Variants in POLI observed in about 807,000 individuals in gnomAD.
POLI encodes DNA polymerase iota.
A neutral mutation model predicts 51.6 loss-of-function variants in POLI; 58 were observed. The observed-to-expected ratio is 1.12, with a 90% CI of 0.91 to 1.40. The LOEUF is 1.40. POLI is among the 40% of genes most tolerant of loss of function. POLI has a pLI of 0.00. For synonymous variants in POLI, 322 were observed against 299.7 expected, an observed-to-expected ratio of 1.07 and a Z score of -0.77; for missense variants, 921 against 871.3, an observed-to-expected ratio of 1.06 and a Z score of -0.72.
chr18:54,293,953 C>T lies in POLI; in HGVS notation c.1709C>T (p.Ser570Phe). 1.9e-6 allele frequency: 3 copies of T among 1,612,528 alleles called. No individual in the cohort carries two copies. The highest frequency in any genetic ancestry group is 2.5e-6 in the Non-Finnish European group (3 of 1,178,884). Residue 570 changes from serine to phenylalanine, a missense_variant, in exon 10 of 10, where the codon TCT (serine) becomes TTT (phenylalanine). By Grantham distance (155) the Ser-to-Phe change is radical. Coordinates refer to ENST00000579534, the MANE Select transcript of POLI (RefSeq NM_007195.3). ...CPLHASRGVL[S>F]FFSKKQMQDI... is the part of the protein sequence containing the mutation. ...TTACATGCCTCTAGAGGAGTATTAT[C>T]TTTCTTTTCTAAAAAACAAATGCAA...
At chr18:54,308,464 T>G (rs1163447423) in intron 3 of POLI, among the ~76,000 whole-genome samples, 1 of 152,272 alleles carries the variant, frequency 6.6e-6, no homozygotes, top group Admixed American at 6.5e-5. Flanking sequence ...GTTAGTCTGA[T>G]GGGCTTCCCT....
chr18:54,296,831 C>T lies in POLI; in HGVS notation c.*2364C>T, dbSNP rs185805956. The T allele has an allele frequency of 3.3e-5, 20 of 610,898 alleles. No homozygotes were observed. Among genetic ancestry groups the T allele is most frequent in the Middle Eastern group, 9.0e-4 (1 of 1,108 alleles). The allele number at this position is 610,898 out of a possible 1,614,324, so 37.8% of individuals were successfully genotyped here. A position where few individuals can be genotyped will look rare whatever the true frequency, so the allele number is the denominator to read the frequency against. ...AACTTCCCGTTTACTCATTACAGTCCCTTGTAAGTCTGTTTCTAATTTTTA... is the reference window on the plus strand; with the variant it reads ...AACTTCCCGTTTACTCATTACAGTCTCTTGTAAGTCTGTTTCTAATTTTTA... On this transcript the variant is annotated 3_prime_UTR_variant, in exon 10 of 10. Coordinates refer to ENST00000579534, the MANE Select transcript of POLI (RefSeq NM_007195.3).
intron 4 of POLI, 81 bp downstream of exon 4, chr18:54,277,936 C>T: frequency 9.5e-7 from 1 of 1,057,410 alleles, no homozygotes; most frequent in Non-Finnish European, 1.4e-6. Flanking sequence ...CTGTGTGATT[C>T]TGAAAGATTC....
intron 8 of POLI, among the ~76,000 whole-genome samples, chr18:54,289,480 T>C (rs2087896570): frequency 6.6e-6 from 1 of 152,076 alleles, no homozygotes; most frequent in Admixed American, 6.6e-5. Flanking sequence ...AAAAATACTT[T>C]AAATTGCATA....
intron 3 of POLI, among the ~76,000 whole-genome samples, chr18:54,306,534 T>TC (rs1001158784): frequency 7.1e-6 from 1 of 140,182 alleles, no homozygotes; most frequent in Non-Finnish European, 1.6e-5. Context: ...TCTAAAATTC[T>TC]CTTTTTTGTG....
At chr18:54,289,053 T>C (rs1568137013) in intron 8 of POLI, among the ~76,000 whole-genome samples, 2 of 152,154 alleles carry the variant, frequency 1.3e-5, no homozygotes, top group Non-Finnish European at 2.9e-5. Flanking sequence ...AGATAATGTA[T>C]TGTAGCAACT....
In POLI at chr18:54,296,872, A is replaced by G. The variant is rs775892231; in HGVS notation, c.*2405A>G. 269 of 850,312 alleles carry G rather than the reference A, an allele frequency of 3.2e-4. No homozygotes were observed. Among genetic ancestry groups the G allele is most frequent in the Non-Finnish European group, 3.7e-4 (259 of 708,028 alleles). 52.7% of individuals were successfully genotyped at this position (850,312 alleles called of 1,614,324 possible). ...CTAATTTTTAAAAGTCAAATATATG[A>G]TATTTTTGATAATTTCAATATTTTA... is the stretch of plus-strand genomic sequence containing the variant. On this transcript the variant is annotated 3_prime_UTR_variant, in exon 10 of 10. Coordinates refer to ENST00000579534, the MANE Select transcript of POLI (RefSeq NM_007195.3).
downstream of POLI, among the ~76,000 whole-genome samples, chr18:54,301,677 T>G (rs975720537): frequency 1.3e-5 from 2 of 152,190 alleles, no homozygotes; most frequent in African/African-American, 4.8e-5. Flanking sequence ...ACTCTAGCTG[T>G]TCGTGCCTCC....
Position 54,269,563 on chromosome 18 carries a change from T to C in POLI, c.17T>C (p.Val6Ala). The C allele has an allele frequency of 6.7e-7, 1 of 1,489,372 alleles. No homozygotes were observed. The allele number at this position is 1,489,372 out of a possible 1,614,324, so 92.3% of individuals were successfully genotyped here. The change falls in exon 1 of 10, where the codon GTG becomes GCG. Residue 6 changes from valine to alanine, a missense_variant. By Grantham distance (64) the Val-to-Ala change is moderately conservative. Coordinates refer to ENST00000579534, the MANE Select transcript of POLI (RefSeq NM_007195.3). MEKLG[V>A]EPEEEGGGDD... ...AGCGGCGGGATGGAGAAGCTGGGGG[T>C]GGAGCCGGAGGAGGAAGGCGGCGGC...
At position 54,294,213 on chromosome 18, in the gene POLI, C is replaced by T; in HGVS notation, c.1969C>T (p.His657Tyr). ...TTCAAACCCTGCTGTGTCTGCTTTT[C>T]ATTCATTTCCAAACTTGCAGAGTGA... ...TNSNPAVSAF[H>Y]SFPNLQSEQL... Residue 657 changes from histidine to tyrosine, a missense_variant, in exon 10 of 10, where the codon CAT becomes TAT. Coordinates refer to ENST00000579534, the MANE Select transcript of POLI (RefSeq NM_007195.3). 3 of 1,613,604 alleles carry T rather than the reference C, an allele frequency of 1.9e-6. No homozygotes were observed. The South Asian group carries it at 3.3e-5, about 18-fold the overall frequency.
Position 54,297,458 on chromosome 18 carries a change from C to T in POLI, c.*2991C>T. The T allele has an allele frequency of 1.0e-6, 1 of 981,014 alleles. No individual in the cohort carries two copies. The highest frequency in any genetic ancestry group is 1.2e-6 in the Non-Finnish European group (1 of 826,048). 60.8% of individuals were successfully genotyped at this position (981,014 alleles called of 1,614,324 possible). A position where few individuals can be genotyped will look rare whatever the true frequency, so the allele number is the denominator to read the frequency against. On this transcript the variant is annotated 3_prime_UTR_variant, in exon 10 of 10. Coordinates refer to ENST00000579534, the MANE Select transcript of POLI (RefSeq NM_007195.3). ...AGCAATGAATTAAGAGGTCTCTTTT[C>T]TCCAAGATCTAGTGTTTTGTACTAG...
In POLI at chr18:54,291,857, T is replaced by A. The variant is rs2088029123; in HGVS notation, c.1223T>A (p.Met408Lys). ...GTGNYDVMTP[M>K]VDILMKLFRN... ...GGAAATTATGATGTGATGACCCCAA[T>A]GGTTGATATACTTATGAAACTTTTT... The change falls in exon 9 of 10, where the codon ATG (methionine) becomes AAG (lysine). Residue 408 changes from methionine (M) to lysine (K), a missense_variant. Transcript: ENST00000579534. The A allele has an allele frequency of 6.3e-7, 1 of 1,578,780 alleles. No individual in the cohort carries two copies. The highest frequency in any genetic ancestry group is 8.7e-7 in the Non-Finnish European group (1 of 1,149,490).
rs540442273 is a variant in POLI, at chr18:54,311,943, A to T, written c.334-8330A>T. The stretch of plus-strand genomic sequence containing the variant: ...ATTTATTATTAACATCTGAATATTC[A>T]CTTTCTTTTTTTAACTTTTATTTTA... On this transcript the variant is annotated intron_variant, in intron 3 of 4. Coordinates refer to the POLI transcript ENST00000579823. Among the ~76,000 whole-genome samples the T allele has an allele frequency of 5.3e-5, 8 of 152,198 alleles. No homozygotes were observed. The South Asian group carries it at 1.7e-3, about 32-fold the overall frequency.
At chr18:54,310,223 G>A (rs564100678) in intron 3 of POLI, among the ~76,000 whole-genome samples, 33 of 152,238 alleles carry the variant, frequency 2.2e-4, no homozygotes, top group Non-Finnish European at 3.8e-4. Context: ...ATCTTGTAGC[G>A]GACCCCTGTT....
At chr18:54,311,189 A>G in intron 3 of POLI, 1 of 727,640 alleles carries the variant, frequency 1.4e-6, no homozygotes, top group Non-Finnish European at 1.7e-6. Flanking sequence ...TAACCCAGTG[A>G]TAAGGAACCA....
intron 3 of POLI, 91 bp from the exon 4 acceptor site, chr18:54,277,612 T>C: frequency 1.3e-6 from 1 of 747,336 alleles, no homozygotes. Context: ...CCTTTAACAA[T>C]AAATTTGATA....
chr18:54,287,515 T>A (rs1297451238), intron 8 of POLI, 104 bp downstream of exon 8: 1 of 739,490 alleles, frequency 1.4e-6, no homozygotes. Flanking sequence ...TCACAGGGAA[T>A]TAGCAAGCAA....
chr18:54,297,813 G>T lies in POLI; in HGVS notation c.*3346G>T, dbSNP rs183143873. 505 of 959,434 alleles carry T rather than the reference G, an allele frequency of 5.3e-4. 6 individuals carry two copies. In the East Asian group the frequency reaches 0.016, roughly 31 times the overall value. 59.4% of individuals were successfully genotyped at this position (959,434 alleles called of 1,614,324 possible). On this transcript the variant is annotated 3_prime_UTR_variant, in exon 10 of 10. Transcript: ENST00000579534. ...AGTTCTTTATTAAATCTCCAAATTG[G>T]ATATTATTAGTATTTTATATAGTCA...
At chr18:54,319,331 C>T (rs541719539) in intron 3 of POLI, among the ~76,000 whole-genome samples, 61 of 152,236 alleles carry the variant, frequency 4.0e-4, no homozygotes, top group Middle Eastern at 3.4e-3. Context: ...ATGGAAACCA[C>T]AGTTCTGATT....
Sources: allele counts gnomAD v4.1 joint callset (sites outside exome capture counted in the v4.1 genomes callset), GRCh38; gene constraint gnomAD v4.1.1; transcripts MANE v1.5; gene names NCBI Gene and HGNC (gene_info 2026-07-23, HGNC 2026-07-21).